FAM174B: variants seen among roughly 807,000 people sequenced by gnomAD.
FAM174B encodes family with sequence similarity 174 member B, also known as membrane protein FAM174B.
A neutral mutation model predicts 10.9 loss-of-function variants in FAM174B; 12 were observed. The ratio of observed to expected loss-of-function variants is 1.10; its 90% CI spans 0.71 to 1.79. FAM174B has a LOEUF of 1.79. Ranked by LOEUF, FAM174B falls within the 40% of genes most tolerant of loss-of-function variation. FAM174B has a pLI of 0.00. For synonymous variants in FAM174B, 132 were observed against 115.8 expected (o/e 1.14, Z -0.90); for missense variants, 266 against 233.3 (o/e 1.14, Z -0.91).
intron 1 of FAM174B, among the ~76,000 whole-genome samples, chr15:92,630,623 G>A (rs2050786771): frequency 2.6e-5 from 4 of 151,286 alleles, no homozygotes; most frequent in Admixed American, 1.3e-4. Context: ...CCTTAAAGCA[G>A]AGGTCCCTGG....
At chr15:92,629,677 G>C (rs1465985671) in intron 2 of FAM174B, among the ~76,000 whole-genome samples, 1 of 152,176 alleles carries the variant, frequency 6.6e-6, no homozygotes, top group Non-Finnish European at 1.5e-5. Context: ...GGGTTTCTGG[G>C]TGCAGTGTGT....
intron 2 of FAM174B, among the ~76,000 whole-genome samples, chr15:92,623,353 C>A (rs1375959395): frequency 1.3e-5 from 2 of 152,124 alleles, no homozygotes; most frequent in Admixed American, 6.6e-5. Flanking sequence ...CCCCCAGAAC[C>A]GCCAAACTGC....
intron 1 of FAM174B, among the ~76,000 whole-genome samples, chr15:92,648,500 A>T (rs1313389002): frequency 5.3e-5 from 8 of 152,160 alleles, no homozygotes; most frequent in Non-Finnish European, 8.8e-5. Context: ...GGCCAAACTC[A>T]GCCCACCACA....
chr15:92,631,837 A>G (rs1323050689), intron 1 of FAM174B, among the ~76,000 whole-genome samples: 2 of 152,086 alleles, frequency 1.3e-5, no homozygotes, highest in Non-Finnish European at 2.9e-5. Context: ...ATGCTTTAAA[A>G]AAAAAGCCCC....
intron 2 of FAM174B, among the ~76,000 whole-genome samples, chr15:92,625,469 T>C (rs2050746849): frequency 6.6e-6 from 1 of 152,228 alleles, no homozygotes; most frequent in African/African-American, 2.4e-5. Flanking sequence ...GGTTGAGTTA[T>C]GTCTAAATGG....
Position 92,655,710 on chromosome 15 carries a change from AG to A in FAM174B, c.-52del, listed in dbSNP as rs2051001381. On this transcript the variant is annotated 5_prime_UTR_variant, in exon 1 of 3. Coordinates refer to ENST00000327355, the MANE Select transcript of FAM174B (RefSeq NM_207446.3). ...GGCAGGGCGCGCGCGGCTGAGCTCC[AG>A]GATCCGCACCAGCACGGAGGCCTGC... 8.2e-7 allele frequency: 1 copy of A among 1,222,190 alleles called. No homozygotes were observed. The highest frequency in any genetic ancestry group is 1.6e-5 in the African/African-American group (1 of 63,906). 75.7% of individuals were successfully genotyped at this position (1,222,190 alleles called of 1,614,324 possible). A position where few individuals can be genotyped will look rare whatever the true frequency, so the allele number is the denominator to read the frequency against.
At chr15:92,650,360 T>C (rs2050957914) in intron 1 of FAM174B, among the ~76,000 whole-genome samples, 1 of 152,198 alleles carries the variant, frequency 6.6e-6, no homozygotes, top group Non-Finnish European at 1.5e-5. Context: ...CGCTTAGAAT[T>C]CAACCTCCCG....
At chr15:92,628,080 TCCTAATA>T (rs2050765481) in intron 2 of FAM174B, among the ~76,000 whole-genome samples, 1 of 152,146 alleles carries the variant, frequency 6.6e-6, no homozygotes, top group Non-Finnish European at 1.5e-5. Flanking sequence ...CCTAAATTAT[TCCTAATA>T]CCTAATACAA....
intron 1 of FAM174B, among the ~76,000 whole-genome samples, chr15:92,635,694 G>A (rs532400444): frequency 2.6e-4 from 39 of 149,774 alleles, no homozygotes; most frequent in African/African-American, 9.4e-4. Context: ...AATTCTCCCT[G>A]CTCAGCCTCC....
At chr15:92,634,249 T>G (rs543067564) in intron 1 of FAM174B, 9 of 152,364 alleles carry the variant, frequency 5.9e-5, no homozygotes, top group African/African-American at 1.9e-4. Flanking sequence ...GTCATGTTTG[T>G]GACTCTTTTT....
At position 92,655,664 on chromosome 15, in the gene FAM174B, C is replaced by G. The variant is rs2051000522; in HGVS notation, c.-5G>C. The G allele has an allele frequency of 1.6e-6, 2 of 1,258,074 alleles. No homozygotes were observed. Among genetic ancestry groups the G allele is most frequent in the Admixed American group, 7.7e-5 (2 of 25,818 alleles). 77.9% of individuals were successfully genotyped at this position (1,258,074 alleles called of 1,614,324 possible). A position where few individuals can be genotyped will look rare whatever the true frequency, so the allele number is the denominator to read the frequency against. ...GGGCAGCGGCACGGCGCGCATAGTG[C>G]GGTGGGTCGGCACAGGATCGGGCAG... On this transcript the variant is annotated 5_prime_UTR_variant, in exon 1 of 3. Transcript: ENST00000327355.
chr15:92,634,394 C>G (rs1029838149), intron 1 of FAM174B: 1 of 152,270 alleles, frequency 6.6e-6, no homozygotes, highest in African/African-American at 2.4e-5. Context: ...TCCGGAGGCT[C>G]TGTCTTCAGC....
intron 2 of FAM174B, among the ~76,000 whole-genome samples, chr15:92,624,492 C>T (rs2050740447): frequency 6.6e-6 from 1 of 152,254 alleles, no homozygotes; most frequent in South Asian, 2.1e-4. Context: ...TCCATGGGGA[C>T]TCAGAGCTCC....
At chr15:92,631,372 T>C (rs2050811762) in intron 1 of FAM174B, among the ~76,000 whole-genome samples, 1 of 42,424 alleles carries the variant, frequency 2.4e-5, no homozygotes, top group Non-Finnish European at 3.7e-5. Flanking sequence ...TTATATTATA[T>C]ATAATATATT....
In FAM174B at chr15:92,633,095, T is replaced by C. The variant is rs1310596015; in HGVS notation, c.345-2750A>G. 7.9e-5 allele frequency among the ~76,000 whole-genome samples: 12 copies of C among 152,322 alleles called. 1 individual carries two copies. The highest frequency in any genetic ancestry group is 7.8e-4 in the Admixed American group (12 of 15,302). On this transcript the variant is annotated intron_variant, in intron 1 of 2. Transcript: ENST00000327355. The stretch of plus-strand genomic sequence containing the variant: ...CCTCCTTTTTCAGAATATTTAATAC[T>C]GTCTATGAGAAACCAGCCAACCCAG...
rs999718805 is a variant in FAM174B at position 92,648,660 on chromosome 15, C to T, written c.344+6656G>A. ...TGTACAATGAGTGTAGGGAGGTAGG[C>T]GGAAGGAGCTCTGAATGCAAAGAAA... On this transcript the variant is annotated intron_variant, in intron 1 of 2. Transcript: ENST00000327355. Among the ~76,000 whole-genome samples the T allele has an allele frequency of 8.6e-5, 13 of 151,820 alleles. No individual in the cohort carries two copies. In the East Asian group the frequency reaches 1.6e-3, roughly 18 times the overall value.
Position 92,619,435 on chromosome 15 carries a change from C to T in FAM174B, c.*21G>A, listed in dbSNP as rs769830662. On this transcript the variant is annotated 3_prime_UTR_variant, in exon 3 of 3. Coordinates refer to ENST00000327355, the MANE Select transcript of FAM174B (RefSeq NM_207446.3). ...AGCTGACCAACTTTCCACAGGATGC[C>T]ACCAGGCTGGGAAACAGGTTTTACC... is the stretch of plus-strand genomic sequence containing the variant. 1 of 1,613,920 alleles carries T rather than the reference C, an allele frequency of 6.2e-7. No individual in the cohort carries two copies.
intron 2 of FAM174B, among the ~76,000 whole-genome samples, chr15:92,629,485 A>G (rs1255222235): frequency 6.6e-6 from 1 of 152,174 alleles, no homozygotes; most frequent in Non-Finnish European, 1.5e-5. Context: ...CTACTGACAT[A>G]AGCGAGGCTG....
At chr15:92,646,792 C>T (rs1235549703) in intron 1 of FAM174B, among the ~76,000 whole-genome samples, 2 of 152,250 alleles carry the variant, frequency 1.3e-5, no homozygotes, top group African/African-American at 4.8e-5. Flanking sequence ...TTTCAACCAA[C>T]TGCCAATCAG....
Sources: gnomAD v4.1 joint callset for allele counts (sites outside exome capture counted in the v4.1 genomes callset) on GRCh38, gnomAD v4.1.1 for gene constraint, MANE v1.5 for transcripts, NCBI Gene and HGNC (gene_info 2026-07-23, HGNC 2026-07-21) for gene names.